Variants in ADAM12 observed in about 807,000 individuals in gnomAD.
ADAM12 encodes disintegrin and metalloproteinase domain-containing protein 12.
A neutral mutation model predicts 106.4 loss-of-function variants in ADAM12; 70 were observed. The ratio of observed to expected loss-of-function variants is 0.66; its 90% confidence interval spans 0.54 to 0.80. ADAM12 has a LOEUF of 0.80. ADAM12 is among the 30% of genes least tolerant of loss of function. ADAM12 has a pLI of 0.00. For synonymous variants in ADAM12, 420 were observed against 433.5 expected (o/e 0.97, Z 0.39); for missense variants, 1,010 against 1,171.9 (o/e 0.86, Z 2.02).
intron 3 of ADAM12, among the ~76,000 whole-genome samples, chr10:126,186,103 G>A (rs1957395102): frequency 6.6e-6 from 1 of 152,164 alleles, no homozygotes; most frequent in Non-Finnish European, 1.5e-5. Flanking sequence ...GTTGTGGCAA[G>A]GGTGCCCGTT....
chr10:126,361,031 C>T (rs1259491177), intron 1 of ADAM12, among the ~76,000 whole-genome samples: 2 of 152,108 alleles, frequency 1.3e-5, no homozygotes, highest in African/African-American at 4.8e-5. Context: ...TTAAAAGCAT[C>T]AGATCTCGTG....
chr10:126,299,392 T>A (rs527760671), intron 2 of ADAM12, among the ~76,000 whole-genome samples: 1 of 152,312 alleles, frequency 6.6e-6, no homozygotes, highest in Admixed American at 6.5e-5. Context: ...GGCAAGGCAC[T>A]ATACAGAGTT....
chr10:126,143,732 A>C (rs1174351912), intron 4 of ADAM12, among the ~76,000 whole-genome samples: 1 of 151,722 alleles, frequency 6.6e-6, no homozygotes, highest in East Asian at 1.9e-4. Context: ...GCATGTGTAT[A>C]TGCATTGTGT....
intron 3 of ADAM12, among the ~76,000 whole-genome samples, chr10:126,240,286 C>T (rs1958497261): frequency 6.6e-6 from 1 of 152,232 alleles, no homozygotes; most frequent in African/African-American, 2.4e-5. Flanking sequence ...ACTCATTAAG[C>T]TCTGGGCATT....
intron 3 of ADAM12, among the ~76,000 whole-genome samples, chr10:126,201,777 G>A (rs896977369): frequency 6.6e-6 from 1 of 152,124 alleles, no homozygotes; most frequent in East Asian, 1.9e-4. Context: ...AAAGAAAAAG[G>A]GAAGTGGTAA....
At chr10:126,335,204 C>T (rs1854656016) in intron 1 of ADAM12, among the ~76,000 whole-genome samples, 1 of 152,202 alleles carries the variant, frequency 6.6e-6, no homozygotes. Flanking sequence ...GGGCATCCTC[C>T]TAAGCCACCC....
At chr10:126,121,181 C>T (rs186836222) in intron 5 of ADAM12, among the ~76,000 whole-genome samples, 37 of 27,558 alleles carry the variant, frequency 1.3e-3, no homozygotes, top group Admixed American at 1.8e-3. Flanking sequence ...ATACTATATA[C>T]ACTATATACT....
At chr10:126,082,312 C>T (rs1300145926) in intron 11 of ADAM12, among the ~76,000 whole-genome samples, 2 of 149,188 alleles carry the variant, frequency 1.3e-5, no homozygotes, top group Non-Finnish European at 3.0e-5. Context: ...CAGAGTGAGA[C>T]GTGGCCACAA....
At position 126,279,103 on chromosome 10, in the gene ADAM12, G is replaced by C. The variant is rs1959426303; in HGVS notation, c.187-115C>G. Reference sequence around the variant, plus strand: ...GGAATAAACGATGCGGTCAACCTAAGAAAGAGCCAAATGCCATCACAATGC... The same window carrying C: ...GGAATAAACGATGCGGTCAACCTAACAAAGAGCCAAATGCCATCACAATGC... On this transcript the variant is annotated intron_variant, in intron 2 of 22. Transcript: ENST00000448723. The C allele has an allele frequency of 1.3e-5, 10 of 745,174 alleles. No individual in the cohort carries two copies. In the South Asian group the frequency reaches 1.7e-4, roughly 13 times the overall value. The allele number at this position is 745,174 out of a possible 1,614,324, so 46.2% of individuals were successfully genotyped here. A position where few individuals can be genotyped will look rare whatever the true frequency, so the allele number is the denominator to read the frequency against.
intron 3 of ADAM12, among the ~76,000 whole-genome samples, chr10:126,180,781 AC>A (rs1366246161): frequency 1.3e-5 from 2 of 152,182 alleles, no homozygotes; most frequent in Admixed American, 1.3e-4. Flanking sequence ...GTTAATGAAC[AC>A]CAAATTTGTT....
chr10:126,018,792 A>C (rs137929957), intron 22 of ADAM12, among the ~76,000 whole-genome samples: 27 of 152,214 alleles, frequency 1.8e-4, no homozygotes, highest in African/African-American at 5.1e-4. Flanking sequence ...AAGCTGTGAA[A>C]GGTGATTCCT....
chr10:126,056,477 A>G lies in ADAM12; in HGVS notation c.1610-6808T>C, dbSNP rs78413381. On this transcript the variant is annotated intron_variant, in intron 14 of 22. Coordinates refer to ENST00000448723, the MANE Select transcript of ADAM12 (RefSeq NM_001288973.2). ...CCTGGAGAATGAAGAAAAGTGGCTA[A>G]CTCACGGGTAGCCCCAATAGATACG... Among the ~76,000 whole-genome samples, 259 of 152,308 alleles carry G rather than the reference A, an allele frequency of 1.7e-3. 1 individual carries two copies. The East Asian group carries it at 0.03, about 18-fold the overall frequency.
intron 2 of ADAM12, among the ~76,000 whole-genome samples, chr10:126,311,826 T>C (rs556299985): frequency 7.9e-5 from 12 of 152,270 alleles, no homozygotes; most frequent in African/African-American, 2.9e-4. Context: ...TGGCTGCTCA[T>C]TGGTGTCCTT....
intron 3 of ADAM12, among the ~76,000 whole-genome samples, chr10:126,231,021 T>G (rs185772470): frequency 6.6e-6 from 1 of 152,314 alleles, no homozygotes; most frequent in Admixed American, 6.5e-5. Flanking sequence ...CCAAAAACAT[T>G]TTATTAAGAA....
At chr10:126,213,023 C>T (rs7087673) in intron 3 of ADAM12, among the ~76,000 whole-genome samples, 33,479 of 151,972 alleles carry the variant, frequency 0.22, 3,814 homozygotes, top group Admixed American at 0.24. Flanking sequence ...TAAGTGCACC[C>T]CCACCCTTCG....
At chr10:126,103,856 C>T (rs749707637) in intron 8 of ADAM12, among the ~76,000 whole-genome samples, 3 of 152,222 alleles carry the variant, frequency 2.0e-5, no homozygotes, top group Non-Finnish European at 2.9e-5. Context: ...TGGGCTGGGC[C>T]GGCAGTGGCA....
intron 9 of ADAM12, among the ~76,000 whole-genome samples, chr10:126,099,238 CAAAT>C (rs1260546645): frequency 6.6e-6 from 1 of 152,150 alleles, no homozygotes; most frequent in Non-Finnish European, 1.5e-5. Context: ...TTAAAGGAGT[CAAAT>C]GACTTACCAA....
At chr10:126,278,262 A>C (rs1959372485) in intron 3 of ADAM12, among the ~76,000 whole-genome samples, 1 of 152,154 alleles carries the variant, frequency 6.6e-6, no homozygotes, top group Admixed American at 6.6e-5. Flanking sequence ...GATCTGAGGA[A>C]TCTGTGGGGA....
intron 2 of ADAM12, among the ~76,000 whole-genome samples, chr10:126,296,560 C>T (rs1200608397): frequency 6.6e-6 from 1 of 152,208 alleles, no homozygotes; most frequent in Non-Finnish European, 1.5e-5. Flanking sequence ...TTCTCCCTGC[C>T]ACGTGGTTAC....
Sources: allele counts gnomAD v4.1 joint callset (sites outside exome capture counted in the v4.1 genomes callset), GRCh38; gene constraint gnomAD v4.1.1; transcripts MANE v1.5; gene names NCBI Gene and HGNC (gene_info 2026-07-23, HGNC 2026-07-21).